The following MAT1A variants were observed in gnomAD, a reference collection of about 807,000 sequenced individuals.
MAT1A encodes the protein S-adenosylmethionine synthase isoform type-1.
A neutral mutation model predicts 44.0 loss-of-function variants in MAT1A; 19 were observed. That is an observed-to-expected ratio of 0.43 (90% confidence interval 0.30 to 0.63). The LOEUF (loss-of-function observed/expected upper bound fraction) is 0.63. MAT1A is among the 30% of genes least tolerant of loss of function. MAT1A has a pLI of 0.12. For synonymous variants in MAT1A, 205 were observed against 205.6 expected, an observed-to-expected ratio of 1.00 and a Z score of 0.03; for missense variants, 397 against 531.0, an observed-to-expected ratio of 0.75 and a Z score of 2.48.
At chr10:80,280,018 A>C (rs1301732546) in intron 5 of MAT1A, among the ~76,000 whole-genome samples, 155 bp downstream of exon 5, 1 of 152,136 alleles carries the variant, frequency 6.6e-6, no homozygotes, top group Non-Finnish European at 1.5e-5. Context: ...CTAGCTGAAG[A>C]TTTTTCACAT....
In MAT1A at chr10:80,273,727, G is replaced by A. The variant is rs1382578916; in HGVS notation, c.*54C>T. Reference sequence around the variant, plus strand: ...CAGCAGCCAGGCGTCTGGGGAAGAGGAGCATGGCCACCAGGTGCCTCCAGG... The same window carrying A: ...CAGCAGCCAGGCGTCTGGGGAAGAGAAGCATGGCCACCAGGTGCCTCCAGG... On this transcript the variant is annotated 3_prime_UTR_variant, in exon 9 of 9. Coordinates refer to ENST00000372213, the MANE Select transcript of MAT1A (RefSeq NM_000429.3). 5.4e-6 allele frequency: 7 copies of A among 1,289,434 alleles called. No individual in the cohort carries two copies. The highest frequency in any genetic ancestry group is 1.7e-5 in the Admixed American group (1 of 59,564). The allele number at this position is 1,289,434 out of a possible 1,614,324, so 79.9% of individuals were successfully genotyped here. A position where few individuals can be genotyped will look rare whatever the true frequency, so the allele number is the denominator to read the frequency against.
At chr10:80,275,512 T>C in intron 6 of MAT1A, 1 of 443,704 alleles carries the variant, frequency 2.3e-6, no homozygotes, top group African/African-American at 2.0e-5. Context: ...GAGATCCAAC[T>C]GCAGGCAGGA....
At position 80,273,517 on chromosome 10, in the gene MAT1A, T is replaced by A; in HGVS notation, c.*264A>T. The A allele has an allele frequency of 2.1e-6, 1 of 476,890 alleles. No homozygotes were observed. Among genetic ancestry groups the A allele is most frequent in the Non-Finnish European group, 3.9e-6 (1 of 258,870 alleles). 29.5% of individuals were successfully genotyped at this position (476,890 alleles called of 1,614,324 possible). A position where few individuals can be genotyped will look rare whatever the true frequency, so the allele number is the denominator to read the frequency against. ...AATTCACTCTTGACGGGGGTGCCTT[T>A]TCCACTAAATTAACATTGCCCCAGT... On this transcript the variant is annotated 3_prime_UTR_variant, in exon 9 of 9. Coordinates refer to ENST00000372213, the MANE Select transcript of MAT1A (RefSeq NM_000429.3).
chr10:80,277,216 C>T (rs1841501614), intron 5 of MAT1A, among the ~76,000 whole-genome samples: 1 of 152,194 alleles, frequency 6.6e-6, no homozygotes, highest in African/African-American at 2.4e-5. Context: ...GTGGTGCCCG[C>T]AGGGGTGCAG....
At position 80,274,455 on chromosome 10, in the gene MAT1A, G is replaced by A. The variant is rs372079976; in HGVS notation, c.1085+65C>T. 58 of 1,607,692 alleles carry A rather than the reference G, an allele frequency of 3.6e-5. No homozygotes were observed. In the African/African-American group the frequency reaches 7.1e-4, roughly 20 times the overall value. ...ATCCTCCTTTCTGCCTCCCTTTCAG[G>A]TGAGGTGAGCATCTGGGCAAGGAAG... On this transcript the variant is annotated intron_variant, in intron 8 of 8. Transcript: ENST00000372213.
chr10:80,288,233 C>G (rs1482184422), intron 1 of MAT1A, among the ~76,000 whole-genome samples: 1 of 152,234 alleles, frequency 6.6e-6, no homozygotes, highest in Non-Finnish European at 1.5e-5. Flanking sequence ...AGGGACTTAA[C>G]TATAGAAGTC....
rs1233013820 is a variant in MAT1A, at chr10:80,272,618, T to A, written c.*1163A>T. ...CAAGGGACCAGGGAAAGAGAAAGAC[T>A]TGAGGGCCTCTGTCTAAGGGGCTGG... is the stretch of plus-strand genomic sequence containing the variant. On this transcript the variant is annotated 3_prime_UTR_variant, in exon 9 of 9. Coordinates refer to ENST00000372213, the MANE Select transcript of MAT1A (RefSeq NM_000429.3). 6.6e-6 allele frequency: 1 copy of A among 152,448 alleles called. No homozygotes were observed. The highest frequency in any genetic ancestry group is 1.5e-5 in the Non-Finnish European group (1 of 68,244). The allele number at this position is 152,448 out of a possible 1,614,324, so 9.4% of individuals were successfully genotyped here. A position where few individuals can be genotyped will look rare whatever the true frequency, so the allele number is the denominator to read the frequency against.
At chr10:80,279,453 G>A (rs1038535364) in intron 5 of MAT1A, among the ~76,000 whole-genome samples, 2 of 152,086 alleles carry the variant, frequency 1.3e-5, no homozygotes, top group Non-Finnish European at 2.9e-5. Flanking sequence ...TGGGGTCCAC[G>A]AGCATGGACA....
chr10:80,279,000 A>G (rs1841525345), intron 5 of MAT1A, among the ~76,000 whole-genome samples: 1 of 152,254 alleles, frequency 6.6e-6, no homozygotes, highest in Admixed American at 6.5e-5. Context: ...TCGATTAAGC[A>G]AAGATGGTGT....
chr10:80,273,394 C>T lies in MAT1A; in HGVS notation c.*387G>A, dbSNP rs969778829. The T allele has an allele frequency of 3.4e-6, 1 of 296,730 alleles. No individual in the cohort carries two copies. The highest frequency in any genetic ancestry group is 6.6e-6 in the Non-Finnish European group (1 of 151,350). 18.4% of individuals were successfully genotyped at this position (296,730 alleles called of 1,614,324 possible). On this transcript the variant is annotated 3_prime_UTR_variant, in exon 9 of 9. Transcript: ENST00000372213. ...CCAGGAGCCCAGGCCCACAAGGAGC[C>T]CTGAGGCCTGTTGAGATGTGCTGAC...
chr10:80,273,518 TC>T lies in MAT1A; in HGVS notation c.*262del. On this transcript the variant is annotated 3_prime_UTR_variant, in exon 9 of 9. Transcript: ENST00000372213. ...ATTCACTCTTGACGGGGGTGCCTTT[TC>T]CACTAAATTAACATTGCCCCAGTCT... 1 of 479,884 alleles carries T rather than the reference TC, an allele frequency of 2.1e-6. No individual in the cohort carries two copies. Among genetic ancestry groups the T allele is most frequent in the Non-Finnish European group, 3.8e-6 (1 of 260,716 alleles). The allele number at this position is 479,884 out of a possible 1,614,324, so 29.7% of individuals were successfully genotyped here.
At chr10:80,289,115 A>G (rs1326312711) in intron 1 of MAT1A, among the ~76,000 whole-genome samples, 1 of 152,194 alleles carries the variant, frequency 6.6e-6, no homozygotes, top group African/African-American at 2.4e-5. Context: ...GGAATTTTGA[A>G]TGTTTTCACC....
chr10:80,280,153 G>A lies in MAT1A; in HGVS notation c.549+20C>T, dbSNP rs952902027. ...TAAAGCTTCTGTCTAGGGCTCTCCT[G>A]GGGTAATTCAGCTGCTCACCTGAGT... On this transcript the variant is annotated intron_variant, in intron 5 of 8. Coordinates refer to ENST00000372213, the MANE Select transcript of MAT1A (RefSeq NM_000429.3). 5 of 1,613,874 alleles carry A rather than the reference G, an allele frequency of 3.1e-6. No individual in the cohort carries two copies. Among genetic ancestry groups the A allele is most frequent in the Non-Finnish European group, 4.2e-6 (5 of 1,179,982 alleles).
In MAT1A at chr10:80,282,435, C is replaced by T. The variant is rs570714315; in HGVS notation, c.292+1481G>A. On this transcript the variant is annotated intron_variant, in intron 3 of 8. Transcript: ENST00000372213. ...CTCAACTCAGCCACGGCTGGGCTCT[C>T]GCTCATTTCTCCCTTTCTAGGGAAC... 9.2e-5 allele frequency among the ~76,000 whole-genome samples: 14 copies of T among 152,344 alleles called. No individual in the cohort carries two copies. In the South Asian group the frequency reaches 2.3e-3, roughly 25 times the overall value.
intron 3 of MAT1A, 95 bp downstream of exon 3, chr10:80,283,821 C>T (rs1344683903): frequency 1.1e-5 from 17 of 1,575,858 alleles, no homozygotes; most frequent in Non-Finnish European, 1.5e-5. Flanking sequence ...AGTATTGATG[C>T]TCCCATCGGG....
intron 6 of MAT1A, chr10:80,275,528 A>G: frequency 2.4e-6 from 1 of 416,834 alleles, no homozygotes; most frequent in Non-Finnish European, 4.5e-6. Context: ...CAGGAACTGC[A>G]CTGTCATAAA....
chr10:80,272,419 A>G lies in MAT1A; in HGVS notation c.*1362T>C, dbSNP rs929084190. 2 of 152,076 alleles carry G rather than the reference A, an allele frequency of 1.3e-5. No homozygotes were observed. Among genetic ancestry groups the G allele is most frequent in the African/African-American group, 4.8e-5 (2 of 41,374 alleles). 9.4% of individuals were successfully genotyped at this position (152,076 alleles called of 1,614,324 possible). On this transcript the variant is annotated 3_prime_UTR_variant, in exon 9 of 9. Transcript: ENST00000372213. ...GACTGCTCAGGCCCCTTGGGAGCAG[A>G]CCCGCTCCCCAGACAGTCACCTGGC...
At position 80,289,222 on chromosome 10, in the gene MAT1A, C is replaced by T. The variant is rs3862534; in HGVS notation, c.91+111G>A. 0.053 allele frequency: 46,034 copies of T among 868,534 alleles called. 1,436 individuals are homozygous for T. Among genetic ancestry groups the T allele is most frequent in the African/African-American group, 0.089 (5,423 of 60,762 alleles). 53.8% of individuals were successfully genotyped at this position (868,534 alleles called of 1,614,324 possible). A position where few individuals can be genotyped will look rare whatever the true frequency, so the allele number is the denominator to read the frequency against. ...CATGGATCAAAACAACACACGGTACCCCATAAATATGCACAATTATTATGT... is the reference window on the plus strand; with the variant it reads ...CATGGATCAAAACAACACACGGTACTCCATAAATATGCACAATTATTATGT... On this transcript the variant is annotated intron_variant, in intron 1 of 8. Transcript: ENST00000372213.
In MAT1A at chr10:80,273,699, G is replaced by A. The variant is rs757114301; in HGVS notation, c.*82C>T. ...CTGAGGGTTGGTGGGTGGGGAAGGC[G>A]ATCAGCAGCCAGGCGTCTGGGGAAG... On this transcript the variant is annotated 3_prime_UTR_variant, in exon 9 of 9. Transcript: ENST00000372213. The A allele has an allele frequency of 2.9e-5, 29 of 1,012,088 alleles. No homozygotes were observed. Among genetic ancestry groups the A allele is most frequent in the Non-Finnish European group, 3.9e-5 (25 of 633,582 alleles). The allele number at this position is 1,012,088 out of a possible 1,614,324, so 62.7% of individuals were successfully genotyped here.
Sources: allele counts gnomAD v4.1 joint callset (sites outside exome capture counted in the v4.1 genomes callset), GRCh38; gene constraint gnomAD v4.1.1; transcripts MANE v1.5; gene names NCBI Gene and HGNC (gene_info 2026-07-23, HGNC 2026-07-21).